Variants in DMD observed in about 807,000 individuals in gnomAD.
DMD encodes mutant dystrophin.
A neutral mutation model predicts 330.1 loss-of-function variants in DMD; 63 were observed. The ratio of observed to expected loss-of-function variants is 0.19; its 90% CI spans 0.16 to 0.24. The LOEUF (loss-of-function observed/expected upper bound fraction) is 0.24. Ranked by LOEUF, DMD falls within the 10% of genes least tolerant of loss-of-function variation. The pLI is 1.00. For missense variants in DMD, 3,344 were observed against 2,684.1 expected (o/e 1.25, Z -5.43); for synonymous variants, 1,223 against 959.8 (o/e 1.27, Z -5.07).
intron 7 of DMD, among the ~76,000 whole-genome samples, chrX:32,779,845 G>A (rs1212725158): frequency 2.7e-5 from 3 of 110,002 alleles, no homozygotes; most frequent in African/African-American, 1.0e-4. Flanking sequence ...TTATGCACAT[G>A]TACCCTAAAA....
chrX:33,261,331 T>C (rs749718185), intron 1 of DMD, among the ~76,000 whole-genome samples: 8 of 110,606 alleles, frequency 7.2e-5, no homozygotes, highest in Non-Finnish European at 1.5e-4. Flanking sequence ...AGAAAGAGTG[T>C]TATAACACAG....
At chrX:32,692,915 A>G (rs113370095) in intron 9 of DMD, among the ~76,000 whole-genome samples, 9,962 of 111,671 alleles carry the variant, frequency 0.089, 1,093 homozygotes, top group African/African-American at 0.31. Flanking sequence ...GTTCTTTATA[A>G]AATTAATCTC....
At chrX:31,525,636 T>C (rs2073186415) in intron 55 of DMD, among the ~76,000 whole-genome samples, 1 of 111,916 alleles carries the variant, frequency 8.9e-6, no homozygotes, top group African/African-American at 3.2e-5. Flanking sequence ...TGTAAGACAC[T>C]AGAAAAATAA....
intron 1 of DMD, among the ~76,000 whole-genome samples, chrX:33,310,985 C>T (rs1367003668): frequency 9.1e-6 from 1 of 110,481 alleles, no homozygotes; most frequent in Non-Finnish European, 1.9e-5. Flanking sequence ...GAGAGTTTTG[C>T]TGTTCTAAGT....
chrX:32,960,616 C>T (rs1454464700), intron 2 of DMD, among the ~76,000 whole-genome samples: 2 of 111,316 alleles, frequency 1.8e-5, no homozygotes, highest in African/African-American at 6.5e-5. Context: ...ACCACTCAAA[C>T]TCATTCTCTC....
At chrX:31,602,851 G>A (rs916559835) in intron 55 of DMD, among the ~76,000 whole-genome samples, 2 of 111,572 alleles carry the variant, frequency 1.8e-5, no homozygotes, top group Non-Finnish European at 3.8e-5. Context: ...TAACTAACTC[G>A]TTGAGCTTGT....
chrX:31,234,577 G>A lies in DMD; in HGVS notation c.9287-11456C>T, dbSNP rs183125693. On this transcript the variant is annotated intron_variant, in intron 63 of 78. Coordinates refer to ENST00000357033, the MANE Select transcript of DMD (RefSeq NM_004006.3). ...ACGCTTACTTAAGCACCTATTATAT[G>A]CCTAACTGTGTACTAAGCCCAGGGG... 1.3e-4 allele frequency among the ~76,000 whole-genome samples: 15 copies of A among 111,936 alleles called. No individual in the cohort carries two copies. In the East Asian group the frequency reaches 3.9e-3, roughly 29 times the overall value.
intron 11 of DMD, among the ~76,000 whole-genome samples, chrX:32,642,590 ATCT>A (rs750769306): frequency 1.6e-4 from 18 of 112,168 alleles, no homozygotes; most frequent in Middle Eastern, 4.7e-3. Context: ...TTGAATGAAC[ATCT>A]TTTTAAATGT....
intron 47 of DMD, among the ~76,000 whole-genome samples, chrX:31,899,813 C>T (rs957026559): frequency 9.0e-6 from 1 of 110,898 alleles, no homozygotes; most frequent in Non-Finnish European, 1.9e-5. Flanking sequence ...GTAATGGAGT[C>T]GCGATAGCTC....
intron 55 of DMD, among the ~76,000 whole-genome samples, chrX:31,530,269 T>G (rs1210353138): frequency 1.8e-5 from 2 of 112,052 alleles, no homozygotes; most frequent in Non-Finnish European, 3.8e-5. Context: ...AAGTCATGGA[T>G]GAAGAACTGG....
chrX:31,734,761 G>A (rs2149043372), intron 51 of DMD, among the ~76,000 whole-genome samples: 1 of 111,086 alleles, frequency 9.0e-6, no homozygotes, highest in South Asian at 3.8e-4. Context: ...ACAACCTGAG[G>A]TATTATGGTA....
chrX:32,065,736 A>C (rs933460055), intron 44 of DMD, among the ~76,000 whole-genome samples: 2 of 111,910 alleles, frequency 1.8e-5, no homozygotes, highest in African/African-American at 6.5e-5. Context: ...AAATGGTAAT[A>C]AAATTGAGCA....
chrX:32,994,347 A>AAAACC (rs1557193990), intron 2 of DMD, among the ~76,000 whole-genome samples: 1 of 109,959 alleles, frequency 9.1e-6, no homozygotes, highest in East Asian at 2.9e-4. Flanking sequence ...AAAAAAAAAA[A>AAAACC]AATAGATTGT....
intron 1 of DMD, among the ~76,000 whole-genome samples, chrX:33,199,624 TAA>T (rs1258647541): frequency 9.0e-5 from 10 of 111,212 alleles, no homozygotes; most frequent in Non-Finnish European, 1.7e-4. Context: ...TATCTGTATA[TAA>T]GTGTTAATAA....
chrX:33,059,532 G>A (rs1243163802), intron 1 of DMD, among the ~76,000 whole-genome samples: 1 of 110,988 alleles, frequency 9.0e-6, no homozygotes, highest in Non-Finnish European at 1.9e-5. Flanking sequence ...TCATGGCCTC[G>A]ATATAATTTT....
chrX:31,766,284 G>A (rs1603462263), intron 51 of DMD, among the ~76,000 whole-genome samples: 1 of 111,900 alleles, frequency 8.9e-6, no homozygotes, highest in East Asian at 2.8e-4. Flanking sequence ...TTGAGACGGA[G>A]TTTCGCTCTT....
chrX:33,244,243 G>A (rs929850993), intron 1 of DMD, among the ~76,000 whole-genome samples: 1 of 111,452 alleles, frequency 9.0e-6, no homozygotes, highest in Non-Finnish European at 1.9e-5. Context: ...TGAAGAAAAT[G>A]CCATACTTCT....
intron 64 of DMD, among the ~76,000 whole-genome samples, chrX:31,214,937 C>CTTTTTTCTTTTTTTTTTT (rs1556299261): frequency 1.1e-4 from 4 of 38,087 alleles, no homozygotes; most frequent in African/African-American, 2.3e-4. Flanking sequence ...TTTCTTTTTT[C>CTTTTTTCTTTTTTTTTTT]TTTTTTTTTT....
intron 55 of DMD, among the ~76,000 whole-genome samples, chrX:31,522,363 C>CTCTCTCTCTCTCTA: frequency 2.4e-3 from 87 of 35,956 alleles, no homozygotes; most frequent in Non-Finnish European, 3.5e-3. Flanking sequence ...CTCTCTCTCT[C>CTCTCTCTCTCTCTA]TATATATATA....
Sources: gnomAD v4.1 joint callset for allele counts (sites outside exome capture counted in the v4.1 genomes callset) on GRCh38, gnomAD v4.1.1 for gene constraint, MANE v1.5 for transcripts, NCBI Gene and HGNC (gene_info 2026-07-23, HGNC 2026-07-21) for gene names.